Variants in WWP2 observed in about 807,000 individuals in gnomAD.
WWP2 encodes WW domain containing E3 ubiquitin protein ligase 2.
A neutral mutation model predicts 121.0 loss-of-function variants in WWP2; 57 were observed. That is an observed-to-expected ratio of 0.47 (90% confidence interval 0.38 to 0.59). The LOEUF (loss-of-function observed/expected upper bound fraction) is 0.59. Among genes scored for constraint, WWP2 ranks in the 20% least tolerant of loss-of-function variants. The pLI, the probability that WWP2 is intolerant of heterozygous loss-of-function variation, is 0.00. For missense variants in WWP2, 962 were observed against 1,158.9 expected, an observed-to-expected ratio of 0.83 and a Z score of 2.47; for synonymous variants, 449 against 441.3, an observed-to-expected ratio of 1.02 and a Z score of -0.22.
At position 69,787,098 on chromosome 16, in the gene WWP2, A is replaced by G. The variant is rs1421188947; in HGVS notation, c.70+18A>G. ...TTTGAAAGGTGAGTGGCACTGTATA[A>G]TGTCTTCATCTTGTCTACGCCCAGG... is the stretch of plus-strand genomic sequence containing the variant. On this transcript the variant is annotated intron_variant, in intron 2 of 23. Coordinates refer to ENST00000359154, the MANE Select transcript of WWP2 (RefSeq NM_001270454.2). 6.2e-7 allele frequency: 1 copy of G among 1,606,012 alleles called. No individual in the cohort carries two copies. The highest frequency in any genetic ancestry group is 8.5e-7 in the Non-Finnish European group (1 of 1,176,104).
intron 4 of WWP2, among the ~76,000 whole-genome samples, chr16:69,834,117 A>T (rs1373728925): frequency 2.6e-5 from 4 of 152,238 alleles, no homozygotes; most frequent in Admixed American, 2.6e-4. Context: ...TTCCTTGCTC[A>T]AAACCCTGTA....
chr16:69,903,165 C>T (rs1173305900), intron 8 of WWP2, among the ~76,000 whole-genome samples: 2 of 152,218 alleles, frequency 1.3e-5, no homozygotes, highest in African/African-American at 4.8e-5. Flanking sequence ...CTTTCATTTC[C>T]AGCATCAGCC....
At chr16:69,859,834 G>A (rs545397927) in intron 6 of WWP2, among the ~76,000 whole-genome samples, 1 of 152,160 alleles carries the variant, frequency 6.6e-6, no homozygotes, top group Admixed American at 6.5e-5. Context: ...AGGAGGTGAT[G>A]TGATGCTAAT....
At chr16:69,859,568 AAAG>A (rs953848320) in intron 6 of WWP2, among the ~76,000 whole-genome samples, 3 of 152,086 alleles carry the variant, frequency 2.0e-5, no homozygotes, top group Non-Finnish European at 4.4e-5. Context: ...AAAAAAAGAA[AAAG>A]AAAAAAAAAG....
At chr16:69,858,668 C>T (rs2057363065) in intron 6 of WWP2, among the ~76,000 whole-genome samples, 1 of 151,960 alleles carries the variant, frequency 6.6e-6, no homozygotes, top group South Asian at 2.1e-4. Flanking sequence ...CTTTTCAAAT[C>T]CTTGCAGCTT....
chr16:69,873,971 G>A (rs2057689550), intron 7 of WWP2, among the ~76,000 whole-genome samples: 1 of 152,154 alleles, frequency 6.6e-6, no homozygotes, highest in South Asian at 2.1e-4. Flanking sequence ...GGAACCTTAT[G>A]TTCTAGCAGA....
chr16:69,870,144 G>A (rs762334892), intron 6 of WWP2, among the ~76,000 whole-genome samples: 8 of 152,098 alleles, frequency 5.3e-5, no homozygotes, highest in Non-Finnish European at 1.2e-4. Flanking sequence ...TCTGTAAAGC[G>A]GGGATAATAA....
In WWP2 at chr16:69,936,006, G is replaced by C; in HGVS notation, c.1976+20G>C. On this transcript the variant is annotated intron_variant, in intron 18 of 23. Transcript: ENST00000359154. ...GATCAAGTGAGTTCCCTGCCCCCTT[G>C]CCCCACCGCGCTGATAGGAGGGACG... The C allele has an allele frequency of 6.2e-7, 1 of 1,611,058 alleles. No homozygotes were observed. Among genetic ancestry groups the C allele is most frequent in the Non-Finnish European group, 8.5e-7 (1 of 1,178,832 alleles).
intron 2 of WWP2, among the ~76,000 whole-genome samples, chr16:69,789,367 C>T (rs1382715567): frequency 2.0e-5 from 3 of 151,986 alleles, no homozygotes; most frequent in East Asian, 1.9e-4. Context: ...GTAGCTGGGA[C>T]TACAGGCGTG....
chr16:69,936,182 G>C, intron 18 of WWP2, 130 bp from the exon 19 acceptor site: 1 of 1,469,956 alleles, frequency 6.8e-7, no homozygotes, highest in Non-Finnish European at 9.3e-7. Flanking sequence ...GAGTCAAGGA[G>C]CTGTCCCCTG....
Position 69,888,190 on chromosome 16 carries a change from C to G in WWP2, c.855C>G (p.Ser285Arg), listed in dbSNP as rs201890122. ...CACCGGCTGAAGGAGAGGAACCCAG[C>G]ACTTCGGGTACACAGCAGCTCCCAG... ...PATPAEGEEP[S>R]TSGTQQLPAA... The change falls in exon 8 of 24, where the codon AGC becomes AGG. Residue 285 changes from serine to arginine, a missense_variant. By Grantham distance (110) the Ser-to-Arg change is moderately radical (BLOSUM62 -1). Transcript: ENST00000359154. 74 of 1,614,208 alleles carry G rather than the reference C, an allele frequency of 4.6e-5. No individual in the cohort carries two copies. The East Asian group carries it at 1.5e-3, about 32-fold the overall frequency.
intron 4 of WWP2, among the ~76,000 whole-genome samples, chr16:69,806,294 TC>T (rs1221058987): frequency 1.3e-5 from 2 of 152,258 alleles, no homozygotes; most frequent in Non-Finnish European, 2.9e-5. Flanking sequence ...GATAGACTAT[TC>T]CTTGAAAATT....
At chr16:69,824,957 G>A (rs1333193865) in intron 4 of WWP2, among the ~76,000 whole-genome samples, 4 of 151,990 alleles carry the variant, frequency 2.6e-5, no homozygotes, top group African/African-American at 9.7e-5. Flanking sequence ...TTTTGGTAGA[G>A]ATGGGGTTTC....
At chr16:69,807,802 T>A (rs763508332) in intron 4 of WWP2, among the ~76,000 whole-genome samples, 71 of 151,644 alleles carry the variant, frequency 4.7e-4, no homozygotes, top group Non-Finnish European at 9.7e-4. Context: ...AAAAGAAATT[T>A]AAAAAAATTA....
At chr16:69,838,768 C>T in intron 4 of WWP2, 1 of 985,416 alleles carries the variant, frequency 1.0e-6, no homozygotes, top group Non-Finnish European at 1.2e-6. Context: ...CTCACCAAGG[C>T]CCTCAGTGGA....
At chr16:69,936,101 A>G in intron 18 of WWP2, 115 bp downstream of exon 18, 1 of 1,496,812 alleles carries the variant, frequency 6.7e-7, no homozygotes, top group Non-Finnish European at 9.0e-7. Flanking sequence ...GCTCTTTTCC[A>G]GCCTCTATAA....
At chr16:69,936,110 A>T in intron 18 of WWP2, 124 bp downstream of exon 18, 1 of 1,486,126 alleles carries the variant, frequency 6.7e-7, no homozygotes. Flanking sequence ...CAGCCTCTAT[A>T]AGAGCTTGTG....
In WWP2 at chr16:69,888,117, T is replaced by A; in HGVS notation, c.782T>A (p.Leu261Ter). ...GTGACGTCCCCACCTGCTGCACCCT[T>A]GAGTGTGACCCCGAATCCCAACACG... is the stretch of plus-strand genomic sequence containing the variant. Reference protein sequence around the residue: ...VGVTSPPAAPLSVTPNPNTTS... With the variant: ...VGVTSPPAAP Residue 261 changes from leucine (L) to a stop codon, truncating the protein, a stop_gained, in exon 8 of 24, where the codon TTG becomes TAG. Transcript: ENST00000359154. LOFTEE classifies it high-confidence loss of function. 1 of 1,614,174 alleles carries A rather than the reference T, an allele frequency of 6.2e-7. No homozygotes were observed. Among genetic ancestry groups the A allele is most frequent in the Non-Finnish European group, 8.5e-7 (1 of 1,180,024 alleles).
intron 1 of WWP2, among the ~76,000 whole-genome samples, chr16:69,767,331 C>A (rs1230112284): frequency 6.6e-6 from 1 of 152,148 alleles, no homozygotes; most frequent in Non-Finnish European, 1.5e-5. Context: ...GGTGAAGTGA[C>A]CCTCACGAGG....
Sources: gnomAD v4.1 joint callset for allele counts (sites outside exome capture counted in the v4.1 genomes callset) on GRCh38, gnomAD v4.1.1 for gene constraint, MANE v1.5 for transcripts, NCBI Gene and HGNC (gene_info 2026-07-23, HGNC 2026-07-21) for gene names.